The following PRKN variants were observed in gnomAD, a reference collection of about 807,000 sequenced individuals.
The protein encoded by PRKN is E3 ubiquitin-protein ligase parkin.
In PRKN, 56 loss-of-function variants were observed where a neutral mutation model predicts 59.5. The ratio of observed to expected loss-of-function variants is 0.94; its 90% CI spans 0.76 to 1.18. The LOEUF (loss-of-function observed/expected upper bound fraction) is 1.18, where lower values mean the gene tolerates loss of function less well. PRKN is among the 50% of genes most tolerant of loss of function. PRKN has a pLI of 0.00. For missense variants in PRKN, 657 were observed against 596.4 expected, an observed-to-expected ratio of 1.10 and a Z score of -1.06; for synonymous variants, 250 against 222.1, an observed-to-expected ratio of 1.13 and a Z score of -1.12.
At chr6:161,474,792 C>T (rs1480309134) in intron 9 of PRKN, among the ~76,000 whole-genome samples, 1 of 151,444 alleles carries the variant, frequency 6.6e-6, no homozygotes, top group South Asian at 2.1e-4. Context: ...TTAGTAGATA[C>T]TGGGTTTCAC....
Position 161,661,261 on chromosome 6 carries a change from C to G in PRKN, c.872-91845G>C, listed in dbSNP as rs556832675. 1.9e-4 allele frequency among the ~76,000 whole-genome samples: 29 copies of G among 152,268 alleles called. No homozygotes were observed. In the East Asian group the frequency reaches 4.4e-3, roughly 23 times the overall value. On this transcript the variant is annotated intron_variant, in intron 7 of 11. Transcript: ENST00000366898. Reference sequence around the variant, plus strand: ...GGAGTCTGACAGGGCCCTCTGAACACAGGGCCCTGCTACTTCTCTGCACCC... The same window carrying G: ...GGAGTCTGACAGGGCCCTCTGAACAGAGGGCCCTGCTACTTCTCTGCACCC...
chr6:161,817,316 G>C (rs1217788038), intron 6 of PRKN, among the ~76,000 whole-genome samples: 1 of 152,196 alleles, frequency 6.6e-6, no homozygotes, highest in African/African-American at 2.4e-5. Flanking sequence ...TCACTGCAGA[G>C]CTAAGAAGTA....
At chr6:162,516,890 GTAGT>G (rs1777885678) in intron 1 of PRKN, among the ~76,000 whole-genome samples, 2 of 152,238 alleles carry the variant, frequency 1.3e-5, no homozygotes, top group Non-Finnish European at 2.9e-5. Context: ...GCTGAGCATA[GTAGT>G]TAAAGAAATT....
chr6:161,532,166 C>CTA (rs200674940), intron 9 of PRKN, among the ~76,000 whole-genome samples: 3,568 of 115,164 alleles, frequency 0.031, 72 homozygotes, highest in Middle Eastern at 0.067. Context: ...CTCTCTCTCT[C>CTA]TATATATATA....
At chr6:161,644,355 A>T (rs1448902538) in intron 7 of PRKN, among the ~76,000 whole-genome samples, 3 of 152,114 alleles carry the variant, frequency 2.0e-5, no homozygotes. Flanking sequence ...GAAAGACATG[A>T]CTCATCTTGC....
chr6:162,040,182 GC>G (rs1462056843), intron 5 of PRKN, among the ~76,000 whole-genome samples: 5 of 152,100 alleles, frequency 3.3e-5, no homozygotes, highest in Non-Finnish European at 7.4e-5. Flanking sequence ...ATTTCCATGT[GC>G]CTTTCCCTCT....
At chr6:161,712,722 T>C (rs1479019857) in intron 7 of PRKN, among the ~76,000 whole-genome samples, 1 of 152,184 alleles carries the variant, frequency 6.6e-6, no homozygotes, top group Non-Finnish European at 1.5e-5. Flanking sequence ...CATATACGTA[T>C]ATAAATGTCA....
chr6:161,838,821 C>T (rs1792866467), intron 6 of PRKN, among the ~76,000 whole-genome samples: 1 of 152,188 alleles, frequency 6.6e-6, no homozygotes, highest in African/African-American at 2.4e-5. Context: ...TGCGCCAGGG[C>T]AGCCAGTCAT....
chr6:162,296,915 A>G (rs1376976064), intron 2 of PRKN, among the ~76,000 whole-genome samples: 2 of 152,158 alleles, frequency 1.3e-5, no homozygotes, highest in Non-Finnish European at 2.9e-5. Context: ...TCCATTTTTA[A>G]AAAAGAATAA....
At chr6:162,498,476 G>A (rs1477797063) in intron 1 of PRKN, among the ~76,000 whole-genome samples, 3 of 80,890 alleles carry the variant, frequency 3.7e-5, no homozygotes, top group African/African-American at 1.0e-4. Flanking sequence ...ATGGAGTTTC[G>A]CTCTTGTTGC....
intron 3 of PRKN, among the ~76,000 whole-genome samples, chr6:162,239,099 T>C (rs1778873635): frequency 6.6e-6 from 1 of 152,136 alleles, no homozygotes; most frequent in South Asian, 2.1e-4. Flanking sequence ...TTAAATGTAA[T>C]ATTTTAGATA....
At chr6:162,597,429 A>G (rs768508542) in intron 1 of PRKN, among the ~76,000 whole-genome samples, 31 of 152,140 alleles carry the variant, frequency 2.0e-4, no homozygotes, top group Non-Finnish European at 4.0e-4. Flanking sequence ...ATCCTTAAAT[A>G]TTTTTCCCAA....
chr6:162,036,193 G>A (rs891507884), intron 5 of PRKN, among the ~76,000 whole-genome samples: 13 of 151,418 alleles, frequency 8.6e-5, no homozygotes, highest in South Asian at 2.1e-4. Context: ...GCGTGGTGGC[G>A]GGCGCCTGTA....
chr6:161,494,758 C>T (rs1451150694), intron 9 of PRKN, among the ~76,000 whole-genome samples: 1 of 152,200 alleles, frequency 6.6e-6, no homozygotes, highest in African/African-American at 2.4e-5. Context: ...GGAGAGGTTT[C>T]AGGAACATGC....
chr6:161,974,394 C>A (rs1206753606), intron 5 of PRKN, among the ~76,000 whole-genome samples: 2 of 152,224 alleles, frequency 1.3e-5, no homozygotes, highest in Non-Finnish European at 2.9e-5. Flanking sequence ...AATCCAGTAT[C>A]TTGCTGCTTC....
intron 7 of PRKN, among the ~76,000 whole-genome samples, chr6:161,662,721 T>C (rs1039591669): frequency 2.6e-5 from 4 of 152,194 alleles, no homozygotes; most frequent in Non-Finnish European, 5.9e-5. Flanking sequence ...CTAACCTGTA[T>C]CTGAAACCCA....
At chr6:161,829,440 C>G (rs189511936) in intron 6 of PRKN, among the ~76,000 whole-genome samples, 15 of 152,232 alleles carry the variant, frequency 9.9e-5, no homozygotes, top group African/African-American at 3.6e-4. Flanking sequence ...TGAATCTAGG[C>G]TTTTGGCGGT....
chr6:162,408,821 A>C (rs1285811266), intron 2 of PRKN, among the ~76,000 whole-genome samples: 11 of 152,130 alleles, frequency 7.2e-5, no homozygotes, highest in Admixed American at 7.2e-4. Flanking sequence ...TACTCTAAGC[A>C]TCTCTCATTT....
chr6:162,281,086 G>A (rs888134267), intron 2 of PRKN, among the ~76,000 whole-genome samples: 4 of 152,104 alleles, frequency 2.6e-5, no homozygotes, highest in Non-Finnish European at 5.9e-5. Flanking sequence ...ATTCCATGGT[G>A]TACAAAAAGG....
Sources: gnomAD v4.1 joint callset for allele counts (sites outside exome capture counted in the v4.1 genomes callset) on GRCh38, gnomAD v4.1.1 for gene constraint, MANE v1.5 for transcripts, NCBI Gene and HGNC (gene_info 2026-07-23, HGNC 2026-07-21) for gene names.